The following KANSL1L variants were observed in gnomAD, a reference collection of about 807,000 sequenced individuals.
The protein encoded by KANSL1L is KAT8 regulatory NSL complex subunit 1-like protein.
Under a neutral mutation model 108.6 loss-of-function variants are expected in KANSL1L, and 25 were observed. The observed-to-expected ratio is 0.23, with a 90% CI of 0.17 to 0.32. The LOEUF (loss-of-function observed/expected upper bound fraction) is 0.32. Ranked by LOEUF, KANSL1L falls within the 10% of genes least tolerant of loss-of-function variation. KANSL1L has a pLI of 1.00. For synonymous variants in KANSL1L, 405 were observed against 395.1 expected (o/e 1.03, Z -0.30); for missense variants, 1,137 against 1,125.7 (o/e 1.01, Z -0.14).
At position 210,157,691 on chromosome 2, in the gene KANSL1L, G is replaced by GAAAAAA. The variant is rs56676129; in HGVS notation, c.-29-3086_-29-3081dup. On this transcript the variant is annotated intron_variant, in intron 1 of 14. Transcript: ENST00000281772. ...AGCAACAGAGCAAAACACTGTCACA[G>GAAAAAA]AAAAAAAAAAAAAAAAAAAAAAAAA... Among the ~76,000 whole-genome samples the GAAAAAA allele has an allele frequency of 2.8e-3, 132 of 47,128 alleles. 1 individual carries two copies. Among genetic ancestry groups the GAAAAAA allele is most frequent in the Non-Finnish European group, 4.1e-3 (87 of 21,404 alleles). The allele number at this position is 47,128 out of a possible 152,430, so 30.9% of individuals were successfully genotyped here.
chr2:210,057,923 A>T lies in KANSL1L; in HGVS notation c.1756-13819T>A, dbSNP rs538083320. On this transcript the variant is annotated intron_variant, in intron 6 of 14. Coordinates refer to ENST00000281772, the MANE Select transcript of KANSL1L (RefSeq NM_152519.4). ...TACATCACCTCAGGACCCTGTGATGATTGCATTAACTGCACAAATTGTTTG... is the reference window on the plus strand; with the variant it reads ...TACATCACCTCAGGACCCTGTGATGTTTGCATTAACTGCACAAATTGTTTG... Among the ~76,000 whole-genome samples the T allele has an allele frequency of 1.2e-3, 187 of 152,278 alleles. 1 individual carries two copies. The highest frequency in any genetic ancestry group is 4.2e-3 in the African/African-American group (176 of 41,540).
chr2:210,090,245 C>G (rs1559548013), intron 5 of KANSL1L, among the ~76,000 whole-genome samples: 1 of 152,048 alleles, frequency 6.6e-6, no homozygotes. Context: ...CTCACACAAC[C>G]ATATACTGTC....
intron 3 of KANSL1L, among the ~76,000 whole-genome samples, chr2:210,106,512 T>G (rs2125443163): frequency 6.6e-6 from 1 of 152,276 alleles, no homozygotes; most frequent in East Asian, 1.9e-4. Context: ...TTTACGCCTG[T>G]AATCCTAGCA....
rs59491270 is a variant in KANSL1L, at chr2:210,159,872, A to G, written c.-29-5261T>C. 4.8e-3 allele frequency among the ~76,000 whole-genome samples: 729 copies of G among 152,212 alleles called. 12 individuals are homozygous for G. The highest frequency in any genetic ancestry group is 0.016 in the African/African-American group (673 of 41,532). On this transcript the variant is annotated intron_variant, in intron 1 of 14. Transcript: ENST00000281772. ...AAAAAGGTGAAACCCCGTCTCTACT[A>G]AAAATACAAAAAAAATAGCTGGGTG... is the stretch of plus-strand genomic sequence containing the variant.
intron 5 of KANSL1L, among the ~76,000 whole-genome samples, chr2:210,093,256 G>C (rs1013373876): frequency 6.6e-6 from 1 of 151,984 alleles, no homozygotes; most frequent in Non-Finnish European, 1.5e-5. Flanking sequence ...GGAGATTCTC[G>C]TGCCTCAGCC....
intron 2 of KANSL1L, among the ~76,000 whole-genome samples, chr2:210,129,921 G>A (rs2095104759): frequency 6.6e-6 from 1 of 150,432 alleles, no homozygotes; most frequent in African/African-American, 2.4e-5. Flanking sequence ...GAGCACTACA[G>A]CTAGAGAAAA....
At position 210,029,853 on chromosome 2, in the gene KANSL1L, T is replaced by C. The variant is rs1341699831; in HGVS notation, c.2221A>G (p.Thr741Ala). ...AAAACGTTGACATTGGAAACAGCAG[T>C]AAAATTGCTATGGGATCCTGATTCT... Reference protein sequence around the residue: ...HTESGSHSNFTAVSNVNVLSR... With the variant: ...HTESGSHSNFAAVSNVNVLSR... Residue 741 changes from threonine to alanine, a missense_variant, in exon 10 of 15, where the codon ACT (threonine) becomes GCT (alanine). Coordinates refer to ENST00000281772, the MANE Select transcript of KANSL1L (RefSeq NM_152519.4). The C allele has an allele frequency of 6.2e-7, 1 of 1,607,912 alleles. No homozygotes were observed. The highest frequency in any genetic ancestry group is 2.2e-5 in the East Asian group (1 of 44,680).
At chr2:210,129,559 A>C (rs2095100992) in intron 2 of KANSL1L, among the ~76,000 whole-genome samples, 1 of 152,196 alleles carries the variant, frequency 6.6e-6, no homozygotes, top group Non-Finnish European at 1.5e-5. Flanking sequence ...GTACCAGACA[A>C]TCCATTTGAA....
chr2:210,112,431 C>T (rs1293301331), intron 3 of KANSL1L, among the ~76,000 whole-genome samples: 2 of 152,014 alleles, frequency 1.3e-5, no homozygotes, highest in Non-Finnish European at 1.5e-5. Context: ...TCAAACAAAA[C>T]AATAAAACAC....
intron 3 of KANSL1L, among the ~76,000 whole-genome samples, chr2:210,122,053 G>A (rs2095026318): frequency 6.6e-6 from 1 of 151,986 alleles, no homozygotes; most frequent in Admixed American, 6.6e-5. Flanking sequence ...ACAAAAAGGA[G>A]ATATTCCATT....
At chr2:210,052,148 T>C (rs566654763) in intron 6 of KANSL1L, among the ~76,000 whole-genome samples, 1 of 151,736 alleles carries the variant, frequency 6.6e-6, no homozygotes, top group South Asian at 2.1e-4. Context: ...GGACTAGAGG[T>C]GGATACCACC....
intron 3 of KANSL1L, among the ~76,000 whole-genome samples, chr2:210,107,233 C>T (rs1422062253): frequency 6.6e-6 from 1 of 151,906 alleles, no homozygotes; most frequent in African/African-American, 2.4e-5. Context: ...TTAAGTAAAA[C>T]TTTAAATAAA....
chr2:210,069,723 A>C (rs2094492490), intron 6 of KANSL1L, among the ~76,000 whole-genome samples: 2 of 150,478 alleles, frequency 1.3e-5, no homozygotes, highest in Admixed American at 6.7e-5. Flanking sequence ...AATTAAATTA[A>C]ATTTAAATTT....
intron 6 of KANSL1L, among the ~76,000 whole-genome samples, chr2:210,062,032 A>T (rs556900459): frequency 6.6e-6 from 1 of 152,328 alleles, no homozygotes; most frequent in South Asian, 2.1e-4. Context: ...TATGAATATC[A>T]AATTAAAAAT....
chr2:210,028,919 G>A lies in KANSL1L; in HGVS notation c.2322C>T (p.Asn774=), dbSNP rs757032626. ...LRSESSYDID[N]IVIPMSLVAP... ...CTACTAATGACATGGGAATCACAAT[G>A]TTATCTATGTCATAAGAGCTCTCAC... The change falls in exon 11 of 15, where the codon AAC becomes AAT. Residue 774 remains asparagine, a synonymous_variant. Coordinates refer to ENST00000281772, the MANE Select transcript of KANSL1L (RefSeq NM_152519.4). The A allele has an allele frequency of 6.2e-7, 1 of 1,607,078 alleles. No homozygotes were observed. The highest frequency in any genetic ancestry group is 8.5e-7 in the Non-Finnish European group (1 of 1,174,462).
chr2:210,115,999 AC>A (rs2125483916), intron 3 of KANSL1L, among the ~76,000 whole-genome samples: 1 of 152,296 alleles, frequency 6.6e-6, no homozygotes, highest in South Asian at 2.1e-4. Context: ...CAGCTTGGCC[AC>A]AGTGGGGTAA....
chr2:210,074,897 G>T (rs939134944), intron 6 of KANSL1L, among the ~76,000 whole-genome samples: 3 of 152,128 alleles, frequency 2.0e-5, no homozygotes, highest in African/African-American at 7.2e-5. Context: ...TATCCAGCAA[G>T]AACTAGAGAT....
In KANSL1L at chr2:210,022,310, C is replaced by CAACA. The variant is rs905800024; in HGVS notation, c.*635_*638dup. The CAACA allele has an allele frequency of 6.6e-6, 1 of 152,186 alleles. No homozygotes were observed. Among genetic ancestry groups the CAACA allele is most frequent in the African/African-American group, 2.4e-5 (1 of 41,380 alleles). 9.4% of individuals were successfully genotyped at this position (152,186 alleles called of 1,614,324 possible). ...CTGTTGGTTAAACATGTTAAAACAA[C>CAACA]AACAACAACAACAAAAAACTTCTGT... On this transcript the variant is annotated 3_prime_UTR_variant, in exon 15 of 15. Coordinates refer to ENST00000281772, the MANE Select transcript of KANSL1L (RefSeq NM_152519.4).
chr2:210,043,451 C>G (rs1340822715), intron 7 of KANSL1L: 1 of 154,830 alleles, frequency 6.5e-6, no homozygotes, highest in Non-Finnish European at 1.4e-5. Flanking sequence ...CTCATTTACT[C>G]AGTTATAAAG....
Sources: gnomAD v4.1 joint callset for allele counts (sites outside exome capture counted in the v4.1 genomes callset) on GRCh38, gnomAD v4.1.1 for gene constraint, MANE v1.5 for transcripts, NCBI Gene and HGNC (gene_info 2026-07-23, HGNC 2026-07-21) for gene names.